The following SHISA6 variants were observed in gnomAD, a reference collection of about 807,000 sequenced individuals.
The protein encoded by SHISA6 is protein shisa-6.
SHISA6 carries 22 observed loss-of-function variants against 47.9 expected under a neutral mutation model. The ratio of observed to expected loss-of-function variants is 0.46; its 90% confidence interval spans 0.33 to 0.66. The LOEUF (loss-of-function observed/expected upper bound fraction) is 0.66, where lower values mean the gene tolerates loss of function less well. Ranked by LOEUF, SHISA6 falls within the 30% of genes least tolerant of loss-of-function variation. The probability of loss-of-function intolerance (pLI) is 0.02; values close to 1 mark genes in which losing one functional copy is unlikely to be tolerated. For missense variants in SHISA6, 680 were observed against 764.6 expected (o/e 0.89, Z 1.30); for synonymous variants, 388 against 337.8 (o/e 1.15, Z -1.63).
intron 3 of SHISA6, among the ~76,000 whole-genome samples, chr17:11,381,413 G>A (rs1011769139): frequency 6.6e-6 from 1 of 152,146 alleles, no homozygotes; most frequent in Non-Finnish European, 1.5e-5. Context: ...ACATTCCACT[G>A]GGAGAAACAG....
chr17:11,491,250 C>T (rs16944856), intron 3 of SHISA6, among the ~76,000 whole-genome samples: 10,643 of 152,094 alleles, frequency 0.07, 406 homozygotes, highest in South Asian at 0.11. Flanking sequence ...ATAATGGCCT[C>T]GAGCAGGGAT....
chr17:11,301,965 G>T (rs528935960), intron 2 of SHISA6, among the ~76,000 whole-genome samples: 1 of 152,288 alleles, frequency 6.6e-6, no homozygotes, highest in Admixed American at 6.5e-5. Context: ...GGAGGCAAAA[G>T]GCACTTCTTA....
chr17:11,332,589 C>T (rs1054792397), intron 2 of SHISA6, among the ~76,000 whole-genome samples: 2 of 152,064 alleles, frequency 1.3e-5, no homozygotes, highest in African/African-American at 4.8e-5. Flanking sequence ...GGGAGAGAAC[C>T]GTGAGCCTGT....
chr17:11,355,675 C>G (rs1329441610), intron 2 of SHISA6, among the ~76,000 whole-genome samples: 2 of 152,212 alleles, frequency 1.3e-5, no homozygotes. Context: ...CCTACAGGTA[C>G]CTTCTATTGG....
At chr17:11,248,014 T>C (rs1382729366) in intron 1 of SHISA6, among the ~76,000 whole-genome samples, 1 of 152,160 alleles carries the variant, frequency 6.6e-6, no homozygotes, top group Non-Finnish European at 1.5e-5. Context: ...GACCTCATGC[T>C]CTGCCCACCT....
rs574595172 is a variant in SHISA6 at position 11,561,053 on chromosome 17, T to C, written c.*2749T>C. 12 of 152,312 alleles carry C rather than the reference T, an allele frequency of 7.9e-5. No individual in the cohort carries two copies. In the East Asian group the frequency reaches 2.1e-3, roughly 27 times the overall value. The allele number at this position is 152,312 out of a possible 1,614,324, so 9.4% of individuals were successfully genotyped here. A position where few individuals can be genotyped will look rare whatever the true frequency, so the allele number is the denominator to read the frequency against. On this transcript the variant is annotated 3_prime_UTR_variant, in exon 6 of 6. Transcript: ENST00000441885. ...CTGGGACAGAGAGGTATCCCATTTA[T>C]TCAGCTGTCCCATCCATCTTCATGG...
intron 3 of SHISA6, among the ~76,000 whole-genome samples, chr17:11,395,592 A>C (rs1317882347): frequency 1.4e-5 from 2 of 138,920 alleles, no homozygotes; most frequent in Non-Finnish European, 3.0e-5. Context: ...ATCTCAGCTC[A>C]CTGCAAGCTC....
chr17:11,428,478 G>A (rs1193167459), intron 3 of SHISA6, among the ~76,000 whole-genome samples: 2 of 152,234 alleles, frequency 1.3e-5, no homozygotes, highest in Non-Finnish European at 2.9e-5. Flanking sequence ...GGACTGGGTG[G>A]TGATAGCAAG....
chr17:11,315,905 A>C (rs903299544), intron 2 of SHISA6, among the ~76,000 whole-genome samples: 1 of 152,210 alleles, frequency 6.6e-6, no homozygotes, highest in Admixed American at 6.5e-5. Context: ...AGACTTAAAA[A>C]TCACTGAATT....
In SHISA6 at chr17:11,268,204, G is replaced by T. The variant is rs567454891; in HGVS notation, c.799+4678G>T. Among the ~76,000 whole-genome samples, 12 of 152,258 alleles carry T rather than the reference G, an allele frequency of 7.9e-5. No homozygotes were observed. In the East Asian group the frequency reaches 1.7e-3, roughly 22 times the overall value. Reference sequence around the variant, plus strand: ...GCCCATCTACATACCACTGTGAGTTGTATAAAAGAACAGCCAGTCATCCTG... The same window carrying T: ...GCCCATCTACATACCACTGTGAGTTTTATAAAAGAACAGCCAGTCATCCTG... On this transcript the variant is annotated intron_variant, in intron 2 of 5. Transcript: ENST00000441885.
At chr17:11,429,818 T>TC (rs1914700828) in intron 3 of SHISA6, among the ~76,000 whole-genome samples, 3 of 100,112 alleles carry the variant, frequency 3.0e-5, no homozygotes, top group African/African-American at 1.3e-4. Flanking sequence ...ATAAATCCAA[T>TC]CAATCAATCA....
intron 3 of SHISA6, among the ~76,000 whole-genome samples, chr17:11,386,666 T>A (rs1344717470): frequency 1.3e-5 from 2 of 152,184 alleles, no homozygotes; most frequent in Non-Finnish European, 2.9e-5. Flanking sequence ...AGAAGTAACA[T>A]TCTTGGTAAG....
At chr17:11,538,378 C>T (rs2071805265) in intron 3 of SHISA6, among the ~76,000 whole-genome samples, 1 of 152,032 alleles carries the variant, frequency 6.6e-6, no homozygotes, top group Admixed American at 6.6e-5. Context: ...GTTTTATCTT[C>T]AAGGATTGGA....
At chr17:11,351,616 GT>G (rs1911896475) in intron 2 of SHISA6, among the ~76,000 whole-genome samples, 1 of 152,162 alleles carries the variant, frequency 6.6e-6, no homozygotes, top group African/African-American at 2.4e-5. Flanking sequence ...CATTACAGTT[GT>G]TTTGTTTGCA....
At chr17:11,417,371 G>A (rs961346352) in intron 3 of SHISA6, among the ~76,000 whole-genome samples, 14 of 151,976 alleles carry the variant, frequency 9.2e-5, no homozygotes, top group East Asian at 3.9e-4. Context: ...TTTATGTTTC[G>A]AATTTTTTAT....
chr17:11,502,787 G>T (rs9900697), intron 3 of SHISA6, among the ~76,000 whole-genome samples: 2 of 152,260 alleles, frequency 1.3e-5, no homozygotes, highest in South Asian at 4.2e-4. Context: ...GGGTTCCGGG[G>T]TTGGCAAAGC....
intron 3 of SHISA6, among the ~76,000 whole-genome samples, chr17:11,389,412 T>C (rs1039903403): frequency 3.9e-5 from 6 of 152,180 alleles, no homozygotes; most frequent in Non-Finnish European, 5.9e-5. Flanking sequence ...AACTCAGGCA[T>C]AGCTGGATCT....
At chr17:11,271,256 C>A (rs903684665) in intron 2 of SHISA6, among the ~76,000 whole-genome samples, 9 of 151,982 alleles carry the variant, frequency 5.9e-5, no homozygotes, top group Non-Finnish European at 1.2e-4. Flanking sequence ...GGCCTTGGTT[C>A]TCCTCAGCCA....
At chr17:11,316,481 C>T (rs902139064) in intron 2 of SHISA6, among the ~76,000 whole-genome samples, 4 of 139,334 alleles carry the variant, frequency 2.9e-5, no homozygotes, top group African/African-American at 1.1e-4. Flanking sequence ...AATGCAGTGG[C>T]GTGATCTTGG....
Sources: gnomAD v4.1 joint callset for allele counts (sites outside exome capture counted in the v4.1 genomes callset) on GRCh38, gnomAD v4.1.1 for gene constraint, MANE v1.5 for transcripts, NCBI Gene and HGNC (gene_info 2026-07-23, HGNC 2026-07-21) for gene names.